The following TACC2 variants were observed in gnomAD, a reference collection of about 807,000 sequenced individuals.
The protein encoded by TACC2 is transforming acidic coiled-coil-containing protein 2.
A neutral mutation model predicts 227.3 loss-of-function variants in TACC2; 137 were observed. The observed-to-expected ratio is 0.60, with a 90% CI of 0.52 to 0.69. The LOEUF is 0.69. TACC2 is among the 30% of genes least tolerant of loss of function. The probability of loss-of-function intolerance (pLI) is 0.00; values close to 1 mark genes in which losing one functional copy is unlikely to be tolerated. For missense variants in TACC2, 3,470 were observed against 3,694.4 expected (o/e 0.94, Z 1.57); for synonymous variants, 1,523 against 1,487.5 (o/e 1.02, Z -0.55).
At chr10:122,018,254 A>C (rs1481674469) in intron 1 of TACC2, among the ~76,000 whole-genome samples, 1 of 152,174 alleles carries the variant, frequency 6.6e-6, no homozygotes, top group East Asian at 1.9e-4. Context: ...TAGTTTGCTG[A>C]GGATGATGGC....
intron 22 of TACC2, 57 bp from the exon 23 acceptor site, chr10:122,253,934 C>T (rs1310544387): frequency 2.0e-6 from 3 of 1,478,036 alleles, no homozygotes; most frequent in East Asian, 4.5e-5. Flanking sequence ...GCCCCATGAG[C>T]ATTCTGACTG....
intron 6 of TACC2, among the ~76,000 whole-genome samples, chr10:122,140,699 C>T (rs112624715): frequency 3.9e-5 from 6 of 152,328 alleles, no homozygotes; most frequent in African/African-American, 1.4e-4. Flanking sequence ...AGAACAATGT[C>T]TTTAAGAGGA....
chr10:122,153,550 G>A (rs2092259144), intron 7 of TACC2, among the ~76,000 whole-genome samples: 1 of 152,202 alleles, frequency 6.6e-6, no homozygotes, highest in Non-Finnish European at 1.5e-5. Context: ...GAGGTGTTGT[G>A]AGAGGCAGTG....
Position 122,085,948 on chromosome 10 carries a change from C to T in TACC2, c.3448C>T (p.Pro1150Ser), listed in dbSNP as rs1167084166. 3 of 1,613,630 alleles carry T rather than the reference C, an allele frequency of 1.9e-6. No homozygotes were observed. The highest frequency in any genetic ancestry group is 2.5e-6 in the Non-Finnish European group (3 of 1,179,762). ...DPGKQQAPEK[P>S]GEATLSCGLL... ...AGGAAAGCAGCAGGCTCCGGAGAAA[C>T]CTGGAGAAGCTACTTTGAGTTGTGG... The change falls in exon 4 of 23, where the codon CCT becomes TCT. Residue 1150 changes from proline (P) to serine (S), a missense_variant. Coordinates refer to ENST00000369005, the MANE Select transcript of TACC2 (RefSeq NM_206862.4).
At chr10:122,216,586 G>A (rs1194873566) in intron 10 of TACC2, 41 bp from the exon 11 acceptor site, 1 of 1,593,612 alleles carries the variant, frequency 6.3e-7, no homozygotes. Flanking sequence ...TTCTGACCAA[G>A]AGTCTGATGA....
intron 5 of TACC2, among the ~76,000 whole-genome samples, chr10:122,105,520 A>C (rs1369346899): frequency 6.6e-6 from 1 of 152,008 alleles, no homozygotes; most frequent in Non-Finnish European, 1.5e-5. Context: ...TCCTGCTCTG[A>C]ACTCTGACTG....
chr10:122,065,413 T>G (rs1003897303), intron 3 of TACC2, among the ~76,000 whole-genome samples: 2 of 152,246 alleles, frequency 1.3e-5, no homozygotes, highest in African/African-American at 2.4e-5. Flanking sequence ...AAATGTGTTA[T>G]TGTTTCCAAA....
At chr10:122,057,221 A>C (rs35308845) in intron 3 of TACC2, among the ~76,000 whole-genome samples, 1 of 152,078 alleles carries the variant, frequency 6.6e-6, no homozygotes, top group Admixed American at 6.6e-5. Flanking sequence ...AATAAAATAA[A>C]CAAGGGCTTA....
At chr10:122,001,394 T>A (rs1490006120) in intron 1 of TACC2, among the ~76,000 whole-genome samples, 4 of 152,048 alleles carry the variant, frequency 2.6e-5, no homozygotes, top group Non-Finnish European at 2.9e-5. Context: ...AACCATCAGA[T>A]CTCTTGAGAC....
chr10:122,089,215 C>T (rs1357948150), intron 5 of TACC2, among the ~76,000 whole-genome samples: 1 of 152,162 alleles, frequency 6.6e-6, no homozygotes, highest in Non-Finnish European at 1.5e-5. Context: ...GTAACCATGG[C>T]TACAATCAAT....
In TACC2 at chr10:122,062,224, G is replaced by A. The variant is rs540715383; in HGVS notation, c.146+11674G>A. Among the ~76,000 whole-genome samples, 17 of 151,654 alleles carry A rather than the reference G, an allele frequency of 1.1e-4. No individual in the cohort carries two copies. In the South Asian group the frequency reaches 2.1e-3, roughly 19 times the overall value. On this transcript the variant is annotated intron_variant, in intron 3 of 22. Transcript: ENST00000369005. ...ATTTTTTGTATTTTTTAGTAGAGAC[G>A]GGGTTTTACTGTGTTAGCCAGGATG...
At chr10:122,120,460 C>T (rs932636548) in intron 5 of TACC2, among the ~76,000 whole-genome samples, 4 of 152,148 alleles carry the variant, frequency 2.6e-5, no homozygotes, top group East Asian at 3.9e-4. Context: ...AGAGCCACCG[C>T]GGGTGCCCTG....
chr10:122,148,589 C>T (rs183622459), intron 7 of TACC2, among the ~76,000 whole-genome samples: 16 of 152,342 alleles, frequency 1.1e-4, no homozygotes, highest in Admixed American at 7.8e-4. Flanking sequence ...AGGGGAGCAG[C>T]GAGGCAGTGA....
chr10:122,085,852 C>G lies in TACC2; in HGVS notation c.3352C>G (p.Pro1118Ala), dbSNP rs1270033021. Residue 1118 changes from proline to alanine, a missense_variant, in exon 4 of 23, where the codon CCA (proline) becomes GCA (alanine). This residue lies in a region of TACC2 where 1,924 missense variants were observed against 1,978.3 expected (regional missense o/e 0.97). Transcript: ENST00000369005. ...GTCCCCAAAGCTTCTTGCAAGTTTC[C>G]CATCAGCTGGGGAGCAAGGTGGTGA... is the stretch of plus-strand genomic sequence containing the variant. ...AESPKLLASF[P>A]SAGEQGGEAG... is the part of the protein sequence containing the mutation. 1 of 1,613,000 alleles carries G rather than the reference C, an allele frequency of 6.2e-7. No homozygotes were observed. Among genetic ancestry groups the G allele is most frequent in the Non-Finnish European group, 8.5e-7 (1 of 1,179,442 alleles).
intron 1 of TACC2, among the ~76,000 whole-genome samples, chr10:122,009,592 T>C (rs1200398589): frequency 6.6e-6 from 1 of 152,194 alleles, no homozygotes; most frequent in African/African-American, 2.4e-5. Context: ...CAAATGGTAC[T>C]TAACAAAGTC....
intron 5 of TACC2, among the ~76,000 whole-genome samples, chr10:122,094,478 T>A (rs2081162990): frequency 6.6e-6 from 1 of 152,158 alleles, no homozygotes; most frequent in African/African-American, 2.4e-5. Flanking sequence ...GGCGTCTCAC[T>A]ATGTTGTCCA....
At chr10:122,193,661 C>T (rs1394952600) in intron 7 of TACC2, among the ~76,000 whole-genome samples, 5 of 152,174 alleles carry the variant, frequency 3.3e-5, no homozygotes, top group African/African-American at 1.2e-4. Flanking sequence ...TAATTAGCCC[C>T]CTCGTTGCAA....
intron 12 of TACC2, among the ~76,000 whole-genome samples, chr10:122,225,154 C>T (rs1436476017): frequency 6.6e-6 from 1 of 151,326 alleles, no homozygotes; most frequent in Non-Finnish European, 1.5e-5. Flanking sequence ...AATATTTTCT[C>T]TGGGCAATAA....
chr10:122,009,504 A>T (rs188753799), intron 1 of TACC2, among the ~76,000 whole-genome samples: 1 of 151,260 alleles, frequency 6.6e-6, no homozygotes, highest in East Asian at 1.9e-4. Flanking sequence ...ACTCCCTCTC[A>T]ACAAAAGCCC....
Sources: gnomAD v4.1 joint callset for allele counts (sites outside exome capture counted in the v4.1 genomes callset) on GRCh38, gnomAD v4.1.1 for gene constraint, gnomAD v4.1.1 regional missense constraint, MANE v1.5 for transcripts, NCBI Gene and HGNC (gene_info 2026-07-23, HGNC 2026-07-21) for gene names.